CPXM2: variants seen among roughly 807,000 people sequenced by gnomAD.
CPXM2 encodes the protein carboxypeptidase X, M14 family member 2, also known as inactive carboxypeptidase-like protein X2.
CPXM2 carries 66 observed loss-of-function variants against 86.1 expected under a neutral mutation model. That is an observed-to-expected ratio of 0.77 (90% CI 0.63 to 0.94). The LOEUF is 0.94. CPXM2 is among the 40% of genes least tolerant of loss of function. CPXM2 has a pLI of 0.00. For missense variants in CPXM2, 948 were observed against 1,026.3 expected, an observed-to-expected ratio of 0.92 and a Z score of 1.04; for synonymous variants, 388 against 400.2, an observed-to-expected ratio of 0.97 and a Z score of 0.36.
chr10:123,826,441 A>AC (rs1458254608), intron 4 of CPXM2, among the ~76,000 whole-genome samples: 2 of 152,202 alleles, frequency 1.3e-5, no homozygotes, highest in Non-Finnish European at 2.9e-5. Flanking sequence ...TAGTGGAGGT[A>AC]CAGGAACATT....
intron 13 of CPXM2, among the ~76,000 whole-genome samples, chr10:123,748,852 G>C (rs935764639): frequency 2.0e-5 from 3 of 152,010 alleles, no homozygotes; most frequent in African/African-American, 7.3e-5. Context: ...TCCTCCACGT[G>C]CCCTCCCTGT....
intron 6 of CPXM2, among the ~76,000 whole-genome samples, chr10:123,789,092 C>A (rs1847142920): frequency 6.6e-6 from 1 of 152,104 alleles, no homozygotes; most frequent in South Asian, 2.1e-4. Context: ...GAGCACGAAA[C>A]CCCTCCCACA....
chr10:123,883,740 C>T (rs1048551875), intron 1 of CPXM2, among the ~76,000 whole-genome samples: 1 of 152,186 alleles, frequency 6.6e-6, no homozygotes, highest in African/African-American at 2.4e-5. Flanking sequence ...ACGGACAGAG[C>T]AAGGAGGGGA....
At chr10:123,846,384 A>G (rs1206336635) in intron 3 of CPXM2, among the ~76,000 whole-genome samples, 1 of 152,182 alleles carries the variant, frequency 6.6e-6, no homozygotes, top group East Asian at 1.9e-4. Context: ...AGTTCACAGT[A>G]GGGTTTGCGC....
intron 4 of CPXM2, among the ~76,000 whole-genome samples, chr10:123,830,892 G>C (rs1455780748): frequency 4.6e-5 from 7 of 152,040 alleles, no homozygotes; most frequent in East Asian, 1.9e-4. Context: ...GTGTGTGTGT[G>C]TGTGTGTGTG....
intron 4 of CPXM2, among the ~76,000 whole-genome samples, chr10:123,816,274 C>T (rs921998741): frequency 1.3e-5 from 2 of 152,164 alleles, no homozygotes; most frequent in African/African-American, 4.8e-5. Context: ...TGCCAGAATG[C>T]ATAATTGGCA....
At chr10:123,762,910 G>C (rs560033873) in intron 10 of CPXM2, among the ~76,000 whole-genome samples, 87 of 152,314 alleles carry the variant, frequency 5.7e-4, no homozygotes, top group Non-Finnish European at 1.0e-3. Flanking sequence ...CTGAGTAAGG[G>C]ATGAAATGGA....
chr10:123,855,296 C>T (rs1848696112), intron 3 of CPXM2, among the ~76,000 whole-genome samples: 1 of 152,156 alleles, frequency 6.6e-6, no homozygotes, highest in South Asian at 2.1e-4. Flanking sequence ...CTCTGCAGCA[C>T]TTAGCACATA....
chr10:123,943,968 G>T (rs566287670), upstream of CPXM2, among the ~76,000 whole-genome samples: 2 of 152,328 alleles, frequency 1.3e-5, no homozygotes, highest in African/African-American at 4.8e-5. Flanking sequence ...TAATTAAAGA[G>T]ACCATCGTCA....
At chr10:123,880,145 T>TGGGGCCCCCCCCCC in intron 2 of CPXM2, 66 bp downstream of exon 2, 1 of 407,564 alleles carries the variant, frequency 2.5e-6, no homozygotes, top group Non-Finnish European at 4.8e-6. Flanking sequence ...CAGGGGCCTG[T>TGGGGCCCCCCCCCC]ACCCACCCAC....
At chr10:123,897,822 G>C (rs763727954) in intron 2 of CPXM2, among the ~76,000 whole-genome samples, 1 of 152,226 alleles carries the variant, frequency 6.6e-6, no homozygotes, top group Non-Finnish European at 1.5e-5. Context: ...ATGCTGCCCC[G>C]GCCCCCGGCT....
intron 13 of CPXM2, chr10:123,750,386 C>T (rs1296168709): frequency 3.1e-6 from 3 of 973,994 alleles, no homozygotes; most frequent in Non-Finnish European, 3.7e-6. Flanking sequence ...ACAAGTCTTC[C>T]TTTTGTTCCT....
In CPXM2 at chr10:123,842,459, G is replaced by A. The variant is rs17679897; in HGVS notation, c.543C>T (p.Asp181=). ...QAGINENDFY[D]GAWCAGRNDL... ...CATTTCTTCCCGCGCACCACGCTCC[G>A]TCATAAAAATCATTTTCATTAATGC... Residue 181 remains aspartate, a synonymous_variant, in exon 4 of 14, where the codon GAC becomes GAT. Coordinates refer to ENST00000241305, the MANE Select transcript of CPXM2 (RefSeq NM_198148.3). 48,587 of 1,614,030 alleles carry A rather than the reference G, an allele frequency of 0.03. 1,048 individuals carry two copies. Among genetic ancestry groups the A allele is most frequent in the South Asian group, 0.085 (7,770 of 91,068 alleles).
upstream of CPXM2, among the ~76,000 whole-genome samples, chr10:123,894,986 C>T (rs1945323546): frequency 6.6e-6 from 1 of 152,300 alleles, no homozygotes; most frequent in East Asian, 1.9e-4. Flanking sequence ...GAAGAATCTG[C>T]AGGGCTAACC....
intron 4 of CPXM2, among the ~76,000 whole-genome samples, chr10:123,836,633 C>A (rs1406670117): frequency 6.6e-6 from 1 of 152,222 alleles, no homozygotes; most frequent in African/African-American, 2.4e-5. Context: ...AGATCTTACA[C>A]TCTCTGAGTT....
intron 7 of CPXM2, among the ~76,000 whole-genome samples, chr10:123,773,044 A>G (rs1846685942): frequency 6.7e-6 from 1 of 150,008 alleles, no homozygotes; most frequent in African/African-American, 2.5e-5. Flanking sequence ...TGTGGTCATC[A>G]TTCCCCTGGT....
At chr10:123,907,126 A>G (rs1317686901) in intron 2 of CPXM2, among the ~76,000 whole-genome samples, 2 of 152,328 alleles carry the variant, frequency 1.3e-5, no homozygotes, top group Admixed American at 6.5e-5. Context: ...GAGGGCTTCC[A>G]TCAGCACCGA....
intron 2 of CPXM2, among the ~76,000 whole-genome samples, chr10:123,899,673 G>A (rs772811772): frequency 2.0e-5 from 3 of 152,202 alleles, no homozygotes; most frequent in Non-Finnish European, 2.9e-5. Context: ...AGGGAAGACT[G>A]AGAATGTTAC....
At chr10:123,816,656 T>C (rs1191179969) in intron 4 of CPXM2, among the ~76,000 whole-genome samples, 7 of 152,254 alleles carry the variant, frequency 4.6e-5, no homozygotes, top group African/African-American at 1.7e-4. Context: ...GCAACTGGTA[T>C]GCAGCCATTG....
Sources: gnomAD v4.1 joint callset for allele counts (sites outside exome capture counted in the v4.1 genomes callset) on GRCh38, gnomAD v4.1.1 for gene constraint, MANE v1.5 for transcripts, NCBI Gene and HGNC (gene_info 2026-07-23, HGNC 2026-07-21) for gene names.